The following MID1 variants were observed in gnomAD, a reference collection of about 807,000 sequenced individuals.
MID1 encodes midline 1.
A neutral mutation model predicts 40.4 loss-of-function variants in MID1; 7 were observed. The observed-to-expected ratio is 0.17, with a 90% CI of 0.10 to 0.33. The LOEUF is 0.33. MID1 is among the 10% of genes least tolerant of loss of function. The pLI, the probability that MID1 is intolerant of heterozygous loss-of-function variation, is 1.00. For missense variants in MID1, 367 were observed against 558.5 expected (o/e 0.66, Z 3.46); for synonymous variants, 229 against 221.2 (o/e 1.04, Z -0.31).
intron 1 of MID1, among the ~76,000 whole-genome samples, chrX:10,653,480 T>C (rs141044282): frequency 1.1e-4 from 12 of 112,410 alleles, no homozygotes; most frequent in African/African-American, 3.9e-4. Context: ...ACACTGGGTG[T>C]TGTTAATGCT....
At chrX:10,517,042 G>A (rs1371202746) in intron 3 of MID1, among the ~76,000 whole-genome samples, 1 of 111,947 alleles carries the variant, frequency 8.9e-6, no homozygotes, top group Non-Finnish European at 1.9e-5. Context: ...TTGGGTGGCT[G>A]AAGGGGAACC....
intron 1 of MID1, among the ~76,000 whole-genome samples, chrX:10,601,920 A>T: frequency 9.5e-6 from 1 of 104,973 alleles, no homozygotes. Context: ...TTTTTGAGAC[A>T]GAGTCTCGCT....
chrX:10,491,948 G>T (rs764908611), intron 4 of MID1, among the ~76,000 whole-genome samples: 2 of 112,039 alleles, frequency 1.8e-5, no homozygotes, highest in East Asian at 5.6e-4. Flanking sequence ...AGACGTAAAA[G>T]AATGCGTTTT....
At position 10,688,860 on chromosome X, in the gene MID1, A is replaced by G. The variant is rs760507969; in HGVS notation, c.-186-68441T>C. ...TGAGGTCTGCAAAATTTATCAGGCC[A>G]TACACTGTTCTTTGTGTCACAAAAA... On this transcript the variant is annotated intron_variant, in intron 1 of 10. Transcript: ENST00000380785. 6.3e-5 allele frequency among the ~76,000 whole-genome samples: 7 copies of G among 111,789 alleles called. No homozygotes were observed. The South Asian group carries it at 2.6e-3, about 42-fold the overall frequency.
chrX:10,632,790 ATT>A (rs752207216), intron 1 of MID1, among the ~76,000 whole-genome samples: 1 of 109,415 alleles, frequency 9.1e-6, no homozygotes, highest in Non-Finnish European at 1.9e-5. Context: ...TGAGTTAAGA[ATT>A]TTTTTTTTAA....
At chrX:10,521,284 C>T (rs1337989931) in intron 3 of MID1, among the ~76,000 whole-genome samples, 3 of 110,611 alleles carry the variant, frequency 2.7e-5, no homozygotes, top group South Asian at 4.0e-4. Flanking sequence ...GATTACAATT[C>T]GACATGAGAT....
In MID1 at chrX:10,482,928, T is replaced by A. The variant is rs147089366; in HGVS notation, c.865-300A>T. Among the ~76,000 whole-genome samples the A allele has an allele frequency of 9.6e-4, 108 of 112,247 alleles. 1 individual carries two copies. The highest frequency in any genetic ancestry group is 3.4e-3 in the African/African-American group (106 of 30,903). ...GCAACTTACAAAGGGTCACCAGACG[T>A]CTTCCCTGGACTATTCCACACAATG... On this transcript the variant is annotated intron_variant, in intron 4 of 9. Transcript: ENST00000317552.
At chrX:10,720,399 G>C (rs1487445885) in intron 1 of MID1, among the ~76,000 whole-genome samples, 1 of 112,031 alleles carries the variant, frequency 8.9e-6, no homozygotes, top group Non-Finnish European at 1.9e-5. Context: ...AATATGAACA[G>C]ACACTTCTCA....
At chrX:10,586,336 G>A (rs1291443920) in intron 1 of MID1, among the ~76,000 whole-genome samples, 1 of 111,300 alleles carries the variant, frequency 9.0e-6, no homozygotes, top group Non-Finnish European at 1.9e-5. Flanking sequence ...TTAGCTTCTG[G>A]GTGTGACTGA....
intron 1 of MID1, among the ~76,000 whole-genome samples, chrX:10,719,895 A>T (rs1393481089): frequency 9.0e-6 from 1 of 111,572 alleles, no homozygotes; most frequent in Non-Finnish European, 1.9e-5. Flanking sequence ...ATAATGCTGC[A>T]TATCTACAAC....
chrX:10,533,376 GAA>G (rs1199629629), intron 2 of MID1, among the ~76,000 whole-genome samples: 854 of 31,779 alleles, frequency 0.027, 7 homozygotes, highest in South Asian at 0.15. Flanking sequence ...AAGAAAGAAA[GAA>G]AAAGAAAGAA....
At chrX:10,643,701 C>A (rs1235076762) in intron 1 of MID1, among the ~76,000 whole-genome samples, 11 of 111,171 alleles carry the variant, frequency 9.9e-5, no homozygotes, top group Non-Finnish European at 1.7e-4. Flanking sequence ...AAGACACATG[C>A]ACATGTATGT....
At chrX:10,672,930 C>T (rs1327213638) in intron 1 of MID1, among the ~76,000 whole-genome samples, 1 of 110,965 alleles carries the variant, frequency 9.0e-6, no homozygotes, top group Non-Finnish European at 1.9e-5. Flanking sequence ...AAGTGATCTT[C>T]CTGCCTCAGC....
At position 10,769,012 on chromosome X, in the gene MID1, A is replaced by G. The variant is rs190490825; in HGVS notation, c.-187+64542T>C. 5.9e-3 allele frequency among the ~76,000 whole-genome samples: 654 copies of G among 111,760 alleles called. 4 individuals are homozygous for G. Among genetic ancestry groups the G allele is most frequent in the African/African-American group, 0.02 (617 of 30,759 alleles). On this transcript the variant is annotated intron_variant, in intron 1 of 10. Transcript: ENST00000380785. ...TGTAGGAGGGGACATGAAAGTGTGG[A>G]ATCTACTTTTTTTGTCTAATTTTCT... is the stretch of plus-strand genomic sequence containing the variant.
chrX:10,480,306 T>C (rs1375833084), intron 5 of MID1, among the ~76,000 whole-genome samples: 1 of 112,494 alleles, frequency 8.9e-6, no homozygotes, highest in African/African-American at 3.2e-5. Context: ...AGATTGTATG[T>C]GGGCATTCCC....
chrX:10,548,433 C>T (rs937390007), intron 2 of MID1, among the ~76,000 whole-genome samples: 1 of 111,915 alleles, frequency 8.9e-6, no homozygotes, highest in African/African-American at 3.2e-5. Flanking sequence ...TAGTGTTTAT[C>T]CCCTCAGGGA....
intron 2 of MID1, among the ~76,000 whole-genome samples, chrX:10,541,436 T>G (rs780543471): frequency 9.0e-6 from 1 of 111,028 alleles, no homozygotes; most frequent in East Asian, 2.8e-4. Context: ...TAAAATATTA[T>G]TCAATGTACT....
chrX:10,555,523 C>T (rs186318510), intron 2 of MID1, among the ~76,000 whole-genome samples: 3 of 111,053 alleles, frequency 2.7e-5, no homozygotes, highest in African/African-American at 6.5e-5. Flanking sequence ...ATGGAAGCAA[C>T]GACTTATCTT....
intron 1 of MID1, among the ~76,000 whole-genome samples, chrX:10,641,371 A>G (rs1367872860): frequency 8.9e-6 from 1 of 112,222 alleles, no homozygotes; most frequent in East Asian, 2.8e-4. Context: ...ACAAACAACC[A>G]TCAGAGAATA....
Sources: allele counts gnomAD v4.1 joint callset (sites outside exome capture counted in the v4.1 genomes callset), GRCh38; gene constraint gnomAD v4.1.1; transcripts MANE v1.5; gene names NCBI Gene and HGNC (gene_info 2026-07-23, HGNC 2026-07-21).